IGHMBP2: variants seen among roughly 807,000 people sequenced by gnomAD.
IGHMBP2 encodes the protein DNA-binding protein SMUBP-2.
Under a neutral mutation model 96.0 loss-of-function variants are expected in IGHMBP2, and 81 were observed. That is an observed-to-expected ratio of 0.84 (90% confidence interval 0.71 to 1.01). The LOEUF (loss-of-function observed/expected upper bound fraction) is 1.01. Among genes scored for constraint, IGHMBP2 ranks in the 50% least tolerant of loss-of-function variants. IGHMBP2 has a pLI of 0.00. For missense variants in IGHMBP2, 1,227 were observed against 1,306.3 expected (o/e 0.94, Z 0.94); for synonymous variants, 557 against 548.9 (o/e 1.01, Z -0.21).
intron 4 of IGHMBP2, among the ~76,000 whole-genome samples, chr11:68,911,171 T>C: frequency 6.6e-6 from 1 of 152,126 alleles, no homozygotes; most frequent in East Asian, 1.9e-4. Flanking sequence ...GTAGACGGTA[T>C]GTAAATCAAT....
rs201054207 is a variant in IGHMBP2, at chr11:68,914,919, C to T, written c.808C>T (p.Arg270Cys). The stretch of plus-strand genomic sequence containing the variant: ...GATTCTGCGCCTGGGACACCCTGCC[C>T]GCCTCCTGGAGTCCATTCAGCAGCA... Reference protein sequence around the residue: ...QRILRLGHPARLLESIQQHSL... With the variant: ...QRILRLGHPACLLESIQQHSL... Residue 270 changes from arginine (R) to cysteine (C), a missense_variant, in exon 6 of 15, where the codon CGC (arginine) becomes TGC (cysteine). Transcript: ENST00000255078. The T allele has an allele frequency of 2.5e-5, 40 of 1,614,148 alleles. No homozygotes were observed. In the Admixed American group the frequency reaches 2.8e-4, roughly 11 times the overall value.
intron 2 of IGHMBP2, among the ~76,000 whole-genome samples, chr11:68,906,545 A>AT (rs1326620265): frequency 6.6e-6 from 1 of 151,438 alleles, no homozygotes; most frequent in African/African-American, 2.4e-5. Context: ...ATCTTGAGTA[A>AT]TTTTTCTGAA....
At position 68,938,168 on chromosome 11, in the gene IGHMBP2, C is replaced by G. The variant is rs200940488; in HGVS notation, c.2612-14C>G. 1 of 1,613,858 alleles carries G rather than the reference C, an allele frequency of 6.2e-7. No individual in the cohort carries two copies. The highest frequency in any genetic ancestry group is 8.5e-7 in the Non-Finnish European group (1 of 1,179,918). On this transcript the variant is annotated splice_polypyrimidine_tract_variant and intron_variant, in intron 13 of 14. Transcript: ENST00000255078. ...TGTCTTTCCGTTTGCCTGAGTGACG[C>G]GGGTCTTCTCCAGGACATCCGGCCA...
At chr11:68,937,963 T>A (rs955455872) in intron 13 of IGHMBP2, 1 of 590,228 alleles carries the variant, frequency 1.7e-6, no homozygotes, top group African/African-American at 1.9e-5. Context: ...GCTTTTTAAT[T>A]TTTTTTAGAA....
intron 7 of IGHMBP2, 46 bp downstream of exon 7, chr11:68,917,929 T>G (rs79096700): frequency 1.3e-6 from 2 of 1,586,476 alleles, no homozygotes; most frequent in East Asian, 2.2e-5. Flanking sequence ...GAAGAAGGAG[T>G]TGGGGTGTGT....
At chr11:68,910,772 A>G (rs1459124798) in intron 4 of IGHMBP2, among the ~76,000 whole-genome samples, 3 of 151,202 alleles carry the variant, frequency 2.0e-5, no homozygotes, top group Non-Finnish European at 4.4e-5. Flanking sequence ...AGTCCCAGCT[A>G]CTCTGGAGGC....
Position 68,906,156 on chromosome 11 carries a change from G to A in IGHMBP2, c.174G>A (p.Gly58=). The change falls in exon 2 of 15, where the codon GGG becomes GGA. Residue 58 remains glycine (G), a synonymous_variant. Coordinates refer to ENST00000255078, the MANE Select transcript of IGHMBP2 (RefSeq NM_002180.3). ...LKLQVSSQRT[G]LYGRLLVTFE... Reference sequence around the variant, plus strand: ...TGCAGGTATCCAGCCAGCGCACTGGGCTGTACGGACGGCTGCTGGTCACCT... The same window carrying A: ...TGCAGGTATCCAGCCAGCGCACTGGACTGTACGGACGGCTGCTGGTCACCT... The A allele has an allele frequency of 6.2e-7, 1 of 1,614,198 alleles. No homozygotes were observed. Among genetic ancestry groups the A allele is most frequent in the Middle Eastern group, 1.7e-4 (1 of 6,052 alleles).
At chr11:68,932,118 G>A (rs1448930896) in intron 8 of IGHMBP2, among the ~76,000 whole-genome samples, 1 of 149,790 alleles carries the variant, frequency 6.7e-6, no homozygotes, top group African/African-American at 2.5e-5. Flanking sequence ...TGGTTTCGGG[G>A]GAAGACGTTG....
intron 8 of IGHMBP2, among the ~76,000 whole-genome samples, chr11:68,931,037 A>T (rs1042246603): frequency 9.2e-5 from 14 of 151,966 alleles, no homozygotes; most frequent in African/African-American, 3.4e-4. Flanking sequence ...ATGAGTCCTC[A>T]CTCTGGTCCA....
intron 12 of IGHMBP2, among the ~76,000 whole-genome samples, chr11:68,935,748 C>A (rs1859501680): frequency 1.3e-5 from 2 of 152,188 alleles, no homozygotes; most frequent in South Asian, 4.1e-4. Context: ...CACGGAGCCG[C>A]GGGGTGTGGT....
At chr11:68,930,427 G>A (rs1859245619) in intron 8 of IGHMBP2, 1 of 1,289,746 alleles carries the variant, frequency 7.8e-7, no homozygotes, top group Non-Finnish European at 1.0e-6. Flanking sequence ...CAGCCCAGGA[G>A]TTGGCGGGTA....
At chr11:68,909,188 A>T (rs12791287) in intron 4 of IGHMBP2, among the ~76,000 whole-genome samples, 10 of 53,502 alleles carry the variant, frequency 1.9e-4, no homozygotes, top group East Asian at 1.4e-3. Flanking sequence ...GGGGGGGTGG[A>T]GGGGGGGGGC....
intron 1 of IGHMBP2, among the ~76,000 whole-genome samples, chr11:68,905,495 T>G (rs1858155477): frequency 6.6e-6 from 1 of 152,202 alleles, no homozygotes; most frequent in African/African-American, 2.4e-5. Context: ...GCAGTGGCTC[T>G]TTCTGAGGAT....
chr11:68,935,507 C>A, intron 12 of IGHMBP2, 85 bp downstream of exon 12: 2 of 1,520,982 alleles, frequency 1.3e-6, no homozygotes, highest in Non-Finnish European at 1.8e-6. Flanking sequence ...CTGCTGGGTG[C>A]CACACTGGTT....
intron 5 of IGHMBP2, among the ~76,000 whole-genome samples, chr11:68,912,148 G>A (rs1383461331): frequency 6.6e-6 from 1 of 151,834 alleles, no homozygotes; most frequent in Non-Finnish European, 1.5e-5. Context: ...TTTTGGAGAC[G>A]GAGCCTCACT....
In IGHMBP2 at chr11:68,908,354, G is replaced by A. The variant is rs146594265; in HGVS notation, c.449+17G>A. On this transcript the variant is annotated intron_variant, in intron 3 of 14. Transcript: ENST00000255078. Reference sequence around the variant, plus strand: ...ACTGAAAAAGTAAGTGGATGGGACTGGAAATCCTAAGTACCATCTTCCTTC... The same window carrying A: ...ACTGAAAAAGTAAGTGGATGGGACTAGAAATCCTAAGTACCATCTTCCTTC... The A allele has an allele frequency of 6.2e-6, 10 of 1,606,268 alleles. No individual in the cohort carries two copies. In the African/African-American group the frequency reaches 9.3e-5, roughly 15 times the overall value.
intron 6 of IGHMBP2, among the ~76,000 whole-genome samples, 199 bp downstream of exon 6, chr11:68,915,222 C>T (rs1281570959): frequency 2.0e-5 from 2 of 98,970 alleles, no homozygotes; most frequent in African/African-American, 7.7e-5. Flanking sequence ...TCTCATTGCT[C>T]AGGCTGGAGT....
Position 68,908,163 on chromosome 11 carries a change from AC to A in IGHMBP2, c.276del (p.Tyr92Ter). The A allele has an allele frequency of 6.2e-7, 1 of 1,613,986 alleles. No homozygotes were observed. Among genetic ancestry groups the A allele is most frequent in the Non-Finnish European group, 8.5e-7 (1 of 1,179,984 alleles). On this transcript the variant is annotated frameshift_variant, in exon 3 of 15. Coordinates refer to ENST00000255078, the MANE Select transcript of IGHMBP2 (RefSeq NM_002180.3). LOFTEE classifies it high-confidence loss of function. ...TTTGCAGGTGATATCGTGGGCCTGTACGATGCTGCTAATGAGGGCAGTCAGC... is the reference window on the plus strand; with the variant it reads ...TTTGCAGGTGATATCGTGGGCCTGTAGATGCTGCTAATGAGGGCAGTCAGC... ...SFTSGDIVGLYDAANEGSQLA... is the reference protein window; with the variant it reads ...SFTSGDIVGLXDAANEGSQLA...
Position 68,939,737 on chromosome 11 carries a change from C to T in IGHMBP2, c.*6C>T, listed in dbSNP as rs117995705. On this transcript the variant is annotated 3_prime_UTR_variant, in exon 15 of 15. Transcript: ENST00000255078. ...GGAAGGAGAGGGGGACGTGACCGGC[C>T]GCATCCTTGCACGCCCCGCGGAGCT... 1,524 of 1,603,906 alleles carry T rather than the reference C, an allele frequency of 9.5e-4. 1 individual carries two copies. Among genetic ancestry groups the T allele is most frequent in the Non-Finnish European group, 1.2e-3 (1,406 of 1,176,290 alleles).
Sources: gnomAD v4.1 joint callset for allele counts (sites outside exome capture counted in the v4.1 genomes callset) on GRCh38, gnomAD v4.1.1 for gene constraint, MANE v1.5 for transcripts, NCBI Gene and HGNC (gene_info 2026-07-23, HGNC 2026-07-21) for gene names.